TYK2: variants seen among roughly 807,000 people sequenced by gnomAD.
TYK2 encodes tyrosine kinase 2, also known as non-receptor tyrosine-protein kinase TYK2.
TYK2 carries 65 observed loss-of-function variants against 130.9 expected under a neutral mutation model. That is an observed-to-expected ratio of 0.50 (90% CI 0.41 to 0.61). The LOEUF is 0.61. Among genes scored for constraint, TYK2 ranks in the 20% least tolerant of loss-of-function variants. The pLI is 0.00. For missense variants in TYK2, 1,378 were observed against 1,610.7 expected, an observed-to-expected ratio of 0.86 and a Z score of 2.47; for synonymous variants, 647 against 658.9, an observed-to-expected ratio of 0.98 and a Z score of 0.28.
chr19:10,364,979 C>G lies in TYK2; in HGVS notation c.1081G>C (p.Ala361Pro). The G allele has an allele frequency of 1.2e-6, 2 of 1,613,878 alleles. No individual in the cohort carries two copies. The highest frequency in any genetic ancestry group is 1.7e-6 in the Non-Finnish European group (2 of 1,179,946). The change falls in exon 8 of 25, where the codon GCA (alanine) becomes CCA (proline). Residue 361 changes from alanine to proline, a missense_variant. Coordinates refer to ENST00000525621, the MANE Select transcript of TYK2 (RefSeq NM_003331.5). This position sits in a 1 kb window ranked among gnomAD's most constrained non-coding sequence, Gnocchi z 4.9. ...GGCCTGTCTGCCGGCTGGCCGACTG[C>G]CTTGTGAGCCTTGGCCTTCTTCCCA... ...LFGKKAKAHK[A>P]VGQPADRPRE...
At chr19:10,373,447 C>T (rs1239732276) in intron 3 of TYK2, among the ~76,000 whole-genome samples, 2 of 152,096 alleles carry the variant, frequency 1.3e-5, no homozygotes, top group Non-Finnish European at 2.9e-5. Context: ...AAGTGATTCT[C>T]CTGCCTCAGC....
chr19:10,374,701 G>T (rs191326858), intron 3 of TYK2, among the ~76,000 whole-genome samples: 2 of 150,444 alleles, frequency 1.3e-5, no homozygotes, highest in East Asian at 3.9e-4. Context: ...TGACCAACAT[G>T]GTGAAACCCC....
At position 10,352,560 on chromosome 19, in the gene TYK2, A is replaced by C; in HGVS notation, c.3201-9T>G. The C allele has an allele frequency of 3.8e-6, 5 of 1,329,724 alleles. No homozygotes were observed. Among genetic ancestry groups the C allele is most frequent in the Non-Finnish European group, 5.1e-6 (5 of 975,770 alleles). 82.4% of individuals were successfully genotyped at this position (1,329,724 alleles called of 1,614,324 possible). A position where few individuals can be genotyped will look rare whatever the true frequency, so the allele number is the denominator to read the frequency against. On this transcript the variant is annotated splice_polypyrimidine_tract_variant and intron_variant, in intron 22 of 24. Transcript: ENST00000525621. ...GGCACTCTGGGGCATACCTAGGGGG[A>C]GGGGGGCACTCAGGCCACGGGGGGC...
rs201286789 is a variant in TYK2, at chr19:10,364,780, C to T, written c.1210-9G>A. 9 of 1,613,936 alleles carry T rather than the reference C, an allele frequency of 5.6e-6. No homozygotes were observed. Among genetic ancestry groups the T allele is most frequent in the South Asian group, 1.1e-5 (1 of 91,096 alleles). On this transcript the variant is annotated splice_polypyrimidine_tract_variant and intron_variant, in intron 8 of 24. Coordinates refer to ENST00000525621, the MANE Select transcript of TYK2 (RefSeq NM_003331.5). The surrounding 1 kb of genome is among the most constrained non-coding windows in gnomAD (Gnocchi z 4.9). ...GAAGGCAAGCTCAGCTCCTGCCAGC[C>T]AGGGGCGCATCAGGTGGGTGTCCTC... is the stretch of plus-strand genomic sequence containing the variant.
In TYK2 at chr19:10,351,151, C is replaced by T. The variant is rs114073289; in HGVS notation, c.3330G>A (p.Glu1110=). 6.0e-4 allele frequency: 966 copies of T among 1,613,514 alleles called. 4 individuals carry two copies. The African/African-American group carries it at 0.012, about 19-fold the overall frequency. ...SSQSPPTKFL[E]LIGIAQGQMT... is the part of the protein sequence containing the mutation. Reference sequence around the variant, plus strand: ...TCTGACCCTGAGCAATGCCTATGAGCTCAAGGAATTTCTACAGTATAAACA... The same window carrying T: ...TCTGACCCTGAGCAATGCCTATGAGTTCAAGGAATTTCTACAGTATAAACA... Residue 1110 remains glutamate, a synonymous_variant, in exon 24 of 25, where the codon GAG becomes GAA. Coordinates refer to ENST00000525621, the MANE Select transcript of TYK2 (RefSeq NM_003331.5).
chr19:10,352,831 A>T (rs1214696466), intron 22 of TYK2, 95 bp downstream of exon 22: 4 of 1,449,074 alleles, frequency 2.8e-6, no homozygotes, highest in Admixed American at 2.1e-5. Flanking sequence ...CTTCACTGGG[A>T]TCATGCCCTA....
chr19:10,358,148 G>C lies in TYK2; in HGVS notation c.2176-10C>G, dbSNP rs747773174. On this transcript the variant is annotated splice_polypyrimidine_tract_variant and intron_variant, in intron 15 of 24. Transcript: ENST00000525621. Reference sequence around the variant, plus strand: ...CCAGGTTCTTGTTCTCCTGAGGTGGGCAGGAGAGGGGGTGTGGCCACTCAG... The same window carrying C: ...CCAGGTTCTTGTTCTCCTGAGGTGGCCAGGAGAGGGGGTGTGGCCACTCAG... The C allele has an allele frequency of 1.7e-5, 27 of 1,600,982 alleles. No individual in the cohort carries two copies. Among genetic ancestry groups the C allele is most frequent in the South Asian group, 2.2e-5 (2 of 89,212 alleles).
At position 10,361,615 on chromosome 19, in the gene TYK2, G is replaced by T. The variant is rs1204523355; in HGVS notation, c.1960-17C>A. 1 of 1,549,914 alleles carries T rather than the reference G, an allele frequency of 6.5e-7. No homozygotes were observed. The highest frequency in any genetic ancestry group is 1.2e-5 in the South Asian group (1 of 85,246). On this transcript the variant is annotated splice_polypyrimidine_tract_variant and intron_variant, in intron 13 of 24. Transcript: ENST00000525621. This position sits in a 1 kb window ranked among gnomAD's most constrained non-coding sequence, Gnocchi z 4.0. Reference sequence around the variant, plus strand: ...GTAGAAGGCCTGTGGGGACCGGGCAGGTCAGGTGGCTGCAAAGCCGACCCC... The same window carrying T: ...GTAGAAGGCCTGTGGGGACCGGGCATGTCAGGTGGCTGCAAAGCCGACCCC...
chr19:10,369,069 A>C (rs189672154), intron 3 of TYK2, among the ~76,000 whole-genome samples: 1 of 152,120 alleles, frequency 6.6e-6, no homozygotes, highest in South Asian at 2.1e-4. Flanking sequence ...TTGGCCCCCC[A>C]AAGTGCTGAG....
chr19:10,365,460 C>T, intron 7 of TYK2, 57 bp downstream of exon 7: 4 of 1,607,268 alleles, frequency 2.5e-6, no homozygotes, highest in Non-Finnish European at 3.4e-6. Flanking sequence ...AGGATGAACA[C>T]AGAAACCCAC....
rs1363743411 is a variant in TYK2, at chr19:10,354,059, C to G, written c.2891G>C (p.Gly964Ala). The G allele has an allele frequency of 5.6e-6, 9 of 1,614,024 alleles. No individual in the cohort carries two copies. Among genetic ancestry groups the G allele is most frequent in the African/African-American group, 1.3e-5 (1 of 74,934 alleles). Residue 964 changes from glycine to alanine, a missense_variant, in exon 20 of 25, where the codon GGC (glycine) becomes GCC (alanine). By Grantham distance (60) the Gly-to-Ala change is moderately conservative. Transcript: ENST00000525621. Reference sequence around the variant, plus strand: ...CCGCCCACCTTGGTCCTCGCAGCAGCCCTTGTACTTGATGATGTGCTCGTG... The same window carrying G: ...CCGCCCACCTTGGTCCTCGCAGCAGGCCTTGTACTTGATGATGTGCTCGTG... ...LYHEHIIKYK[G>A]CCEDQGEKSL...
chr19:10,364,936 G>A lies in TYK2; in HGVS notation c.1124C>T (p.Ala375Val). The A allele has an allele frequency of 6.2e-7, 1 of 1,614,210 alleles. No homozygotes were observed. The highest frequency in any genetic ancestry group is 8.5e-7 in the Non-Finnish European group (1 of 1,180,048). Residue 375 changes from alanine to valine, a missense_variant, in exon 8 of 25, where the codon GCC becomes GTC. By Grantham distance (64) the Ala-to-Val change is moderately conservative. Coordinates refer to ENST00000525621, the MANE Select transcript of TYK2 (RefSeq NM_003331.5). This position sits in a 1 kb window ranked among gnomAD's most constrained non-coding sequence, Gnocchi z 4.9. The part of the protein sequence containing the change: ...PADRPREPLW[A>V]YFCDFRDITH... ...GATGTCCCGGAAGTCACAGAAGTAG[G>A]CCCACAGTGGCTCCCGCGGCCTGTC...
In TYK2 at chr19:10,353,637, G is replaced by C; in HGVS notation, c.2918C>G (p.Ser973Trp). Residue 973 changes from serine (S) to tryptophan (W), a missense_variant, in exon 21 of 25, where the codon TCG becomes TGG. Ser to Trp is a radical substitution (Grantham distance 177, BLOSUM62 -3). Coordinates refer to ENST00000525621, the MANE Select transcript of TYK2 (RefSeq NM_003331.5). The surrounding 1 kb of genome is among the most constrained non-coding windows in gnomAD (Gnocchi z 6.9). ...CACGTACTCCATGACCAGCTGCAGC[G>C]ACTTCTCGCCTGCCGCGGAGAGGGG... ...KGCCEDQGEKSLQLVMEYVPL... is the reference protein window; with the variant it reads ...KGCCEDQGEKWLQLVMEYVPL... 6.8e-7 allele frequency: 1 copy of C among 1,470,498 alleles called. No homozygotes were observed. Among genetic ancestry groups the C allele is most frequent in the African/African-American group, 1.4e-5 (1 of 70,964 alleles). The allele number at this position is 1,470,498 out of a possible 1,614,324, so 91.1% of individuals were successfully genotyped here. A position where few individuals can be genotyped will look rare whatever the true frequency, so the allele number is the denominator to read the frequency against.
rs780970016 is a variant in TYK2 at position 10,362,192 on chromosome 19, G to C, written c.1670-11C>G. The C allele has an allele frequency of 1.2e-6, 2 of 1,613,936 alleles. No homozygotes were observed. The highest frequency in any genetic ancestry group is 2.2e-5 in the South Asian group (2 of 91,074). On this transcript the variant is annotated splice_polypyrimidine_tract_variant and intron_variant, in intron 11 of 24. Transcript: ENST00000525621. ...TGAGATTGGAGGTTTCTGGGGGCAGGCATCAAGTCATGGAGGGCGGGCCTG... is the reference window on the plus strand; with the variant it reads ...TGAGATTGGAGGTTTCTGGGGGCAGCCATCAAGTCATGGAGGGCGGGCCTG...
intron 14 of TYK2, among the ~76,000 whole-genome samples, chr19:10,360,252 T>C (rs1177654979): frequency 6.6e-6 from 1 of 151,814 alleles, no homozygotes; most frequent in African/African-American, 2.4e-5. Context: ...CCTGTCACTT[T>C]GGGAGGCTGA....
At chr19:10,362,513 TCCAGCC>T (rs759012785) in intron 10 of TYK2, 30 bp downstream of exon 10, 6 of 1,559,350 alleles carry the variant, frequency 3.8e-6, no homozygotes, top group East Asian at 4.8e-5. Flanking sequence ...AGGGAACGTG[TCCAGCC>T]CCAGCCCCAG....
rs1047838814 is a variant in TYK2, at chr19:10,380,513, T to C, written c.-319A>G. ...CCGCGCCCGCGTCCAGACTCACCCT[T>C]CCGGGGGAACACAAGCTCGAACCCG... On this transcript the variant is annotated 5_prime_UTR_variant, in exon 1 of 25. Transcript: ENST00000525621. 6.6e-6 allele frequency: 1 copy of C among 152,402 alleles called. No homozygotes were observed. Among genetic ancestry groups the C allele is most frequent in the African/African-American group, 2.4e-5 (1 of 41,446 alleles). 9.4% of individuals were successfully genotyped at this position (152,402 alleles called of 1,614,324 possible). A position where few individuals can be genotyped will look rare whatever the true frequency, so the allele number is the denominator to read the frequency against.
chr19:10,356,392 A>C (rs1262130149), intron 18 of TYK2, among the ~76,000 whole-genome samples, 176 bp downstream of exon 18: 1 of 152,132 alleles, frequency 6.6e-6, no homozygotes, highest in Non-Finnish European at 1.5e-5. Flanking sequence ...TAAATAAATA[A>C]ATACATTAAT....
intron 18 of TYK2, among the ~76,000 whole-genome samples, chr19:10,355,120 A>G (rs1413347300): frequency 6.6e-6 from 1 of 151,434 alleles, no homozygotes; most frequent in Non-Finnish European, 1.5e-5. Flanking sequence ...GGGCACAGAT[A>G]TTTCATAGAG....
Sources: gnomAD v4.1 joint callset for allele counts (sites outside exome capture counted in the v4.1 genomes callset) on GRCh38, gnomAD v4.1.1 for gene constraint, Gnocchi (gnomAD v3.1) non-coding constraint, MANE v1.5 for transcripts, NCBI Gene and HGNC (gene_info 2026-07-23, HGNC 2026-07-21) for gene names.